Variants in BPTF observed in about 807,000 individuals in gnomAD.
BPTF encodes the protein bromodomain PHD finger transcription factor.
BPTF carries 18 observed loss-of-function variants against 292.5 expected under a neutral mutation model. That is an observed-to-expected ratio of 0.06 (90% CI 0.04 to 0.09). The LOEUF (loss-of-function observed/expected upper bound fraction) is 0.09, where lower values mean the gene tolerates loss of function less well. Among genes scored for constraint, BPTF ranks in the 10% least tolerant of loss-of-function variants. The probability of loss-of-function intolerance (pLI) is 1.00; values close to 1 mark genes in which losing one functional copy is unlikely to be tolerated. For missense variants in BPTF, 2,726 were observed against 3,498.7 expected, an observed-to-expected ratio of 0.78 and a Z score of 5.57; for synonymous variants, 1,225 against 1,251.9, an observed-to-expected ratio of 0.98 and a Z score of 0.45.
chr17:67,856,022 A>G lies in BPTF; in HGVS notation c.1436+1260A>G, dbSNP rs116435616. Among the ~76,000 whole-genome samples the G allele has an allele frequency of 3.2e-3, 487 of 152,264 alleles. 3 individuals carry two copies. The highest frequency in any genetic ancestry group is 0.01 in the African/African-American group (432 of 41,568). On this transcript the variant is annotated intron_variant, in intron 2 of 27. Coordinates refer to ENST00000306378, the MANE Select transcript of BPTF (RefSeq NM_182641.4). ...TTTGGTGGGCATTTTCAATCTGGCA[A>G]TTACGTTCTTTGATTCTGAGAACTT...
At chr17:67,830,440 G>A (rs953510489) in intron 1 of BPTF, among the ~76,000 whole-genome samples, 1 of 152,226 alleles carries the variant, frequency 6.6e-6, no homozygotes, top group African/African-American at 2.4e-5. Context: ...TTTGTCACTG[G>A]TTTGACAATA....
chr17:67,963,580 T>A, intron 24 of BPTF: 2 of 1,278,102 alleles, frequency 1.6e-6, no homozygotes, highest in Non-Finnish European at 2.0e-6. Context: ...TTATTTATTT[T>A]AAAATAAAAA....
chr17:67,961,772 G>A (rs527722181), intron 24 of BPTF, among the ~76,000 whole-genome samples: 81 of 152,160 alleles, frequency 5.3e-4, no homozygotes, highest in Middle Eastern at 3.4e-3. Flanking sequence ...TCAGGAGTTC[G>A]AGATCAGCCT....
In BPTF at chr17:67,909,583, C is replaced by T; in HGVS notation, c.2814C>T (p.Thr938=). Residue 938 remains threonine (T), a splice_region_variant and synonymous_variant, in exon 10 of 28, where the codon ACC becomes ACT. Coordinates refer to ENST00000306378, the MANE Select transcript of BPTF (RefSeq NM_182641.4). ...TTATCGTTACATGGTTCTTTTTAGCCAAAAATAATATGGATGAAAATATGG... is the reference window on the plus strand; with the variant it reads ...TTATCGTTACATGGTTCTTTTTAGCTAAAAATAATATGGATGAAAATATGG... ...NVNYRKSLEG[T]KNNMDENMDE... is the part of the protein sequence containing the mutation. 6.6e-7 allele frequency: 1 copy of T among 1,520,712 alleles called. No homozygotes were observed. Among genetic ancestry groups the T allele is most frequent in the Non-Finnish European group, 8.8e-7 (1 of 1,135,582 alleles). The allele number at this position is 1,520,712 out of a possible 1,614,324, so 94.2% of individuals were successfully genotyped here. A position where few individuals can be genotyped will look rare whatever the true frequency, so the allele number is the denominator to read the frequency against.
At chr17:67,923,017 G>A in intron 14 of BPTF, 27 bp downstream of exon 14, 6 of 1,582,934 alleles carry the variant, frequency 3.8e-6, no homozygotes, top group Non-Finnish European at 5.1e-6. Flanking sequence ...TACCTGGTCA[G>A]CTATTTGAAG....
intron 17 of BPTF, 30 bp downstream of exon 17, chr17:67,929,517 G>C (rs747712890): frequency 8.1e-6 from 13 of 1,608,288 alleles, no homozygotes; most frequent in Non-Finnish European, 1.0e-5. Context: ...TATTTGGTTT[G>C]ATGTGTTGAG....
Position 67,940,470 on chromosome 17 carries a change from C to G in BPTF, c.6291C>G (p.Ile2097Met), listed in dbSNP as rs782312892. The change falls in exon 19 of 28, where the codon ATC becomes ATG. Residue 2097 changes from isoleucine to methionine, a missense_variant. Coordinates refer to ENST00000306378, the MANE Select transcript of BPTF (RefSeq NM_182641.4). ...CTCAGCAAGTGATGACTCAAATCAT[C>G]AGGGGGCAGCCTGTCTCCACTGCAG... ...GAPQQVMTQI[I>M]RGQPVSTAVS... 2 of 1,613,990 alleles carry G rather than the reference C, an allele frequency of 1.2e-6. No homozygotes were observed. The highest frequency in any genetic ancestry group is 4.5e-5 in the East Asian group (2 of 44,902).
intron 25 of BPTF, chr17:67,965,025 A>AT (rs1429687032): frequency 3.9e-5 from 5 of 128,274 alleles, no homozygotes; most frequent in African/African-American, 1.4e-4. Context: ...AAAAAAGATT[A>AT]TAGTTATTCT....
At chr17:67,979,048 C>T (rs2069950015) in intron 27 of BPTF, among the ~76,000 whole-genome samples, 1 of 150,998 alleles carries the variant, frequency 6.6e-6, no homozygotes, top group African/African-American at 2.4e-5. Flanking sequence ...GTGATGTACA[C>T]CTGTGGTCCC....
intron 1 of BPTF, among the ~76,000 whole-genome samples, chr17:67,843,878 G>T (rs1352546565): frequency 4.1e-5 from 6 of 144,828 alleles, no homozygotes; most frequent in Admixed American, 2.9e-4. Context: ...TGATTCTCCT[G>T]CCTCAGCCTC....
intron 2 of BPTF, among the ~76,000 whole-genome samples, chr17:67,859,759 T>C (rs986118427): frequency 9.9e-5 from 15 of 152,214 alleles, no homozygotes; most frequent in South Asian, 2.1e-4. Context: ...CTTTAAAGAT[T>C]TGAAATAAAG....
At chr17:67,948,053 A>G (rs782800741) in intron 22 of BPTF, 28 bp from the exon 23 acceptor site, 103 of 1,588,670 alleles carry the variant, frequency 6.5e-5, no homozygotes, top group Non-Finnish European at 8.6e-5. Context: ...AACGCCCAGC[A>G]TTACATAGGT....
Position 67,847,370 on chromosome 17 carries a change from C to T in BPTF, c.614-6570C>T, listed in dbSNP as rs771815998. On this transcript the variant is annotated intron_variant, in intron 1 of 27. Transcript: ENST00000306378. ...TCTCTACTAAAAATAATAAATTAGC[C>T]GGGCGTGGTGGCACATGCCTGTAAT... is the stretch of plus-strand genomic sequence containing the variant. 5.9e-5 allele frequency among the ~76,000 whole-genome samples: 9 copies of T among 152,082 alleles called. No homozygotes were observed. In the East Asian group the frequency reaches 7.8e-4, roughly 13 times the overall value.
chr17:67,916,869 C>A (rs2063039243), intron 11 of BPTF, among the ~76,000 whole-genome samples: 1 of 151,656 alleles, frequency 6.6e-6, no homozygotes, highest in South Asian at 2.1e-4. Flanking sequence ...TATTTTATAG[C>A]CTTTGTCTAC....
At chr17:67,863,846 T>TA (rs1488883580) in intron 2 of BPTF, among the ~76,000 whole-genome samples, 1 of 152,256 alleles carries the variant, frequency 6.6e-6, no homozygotes, top group Non-Finnish European at 1.5e-5. Context: ...AGTTGAAACT[T>TA]ACTGTGAGTC....
Position 67,910,807 on chromosome 17 carries a change from A to AT in BPTF, c.2993-70_2993-69insT, listed in dbSNP as rs1397837737. The AT allele has an allele frequency of 1.1e-3, 1,263 of 1,148,874 alleles. 14 individuals carry two copies. In the African/African-American group the frequency reaches 0.02, roughly 18 times the overall value. 71.2% of individuals were successfully genotyped at this position (1,148,874 alleles called of 1,614,324 possible). A position where few individuals can be genotyped will look rare whatever the true frequency, so the allele number is the denominator to read the frequency against. ...AGAGTGAGACTCCATCTCAAAAAAA[A>AT]AAATATATATATATAAATTCCTCCT... is the stretch of plus-strand genomic sequence containing the variant. On this transcript the variant is annotated intron_variant, in intron 10 of 27. Coordinates refer to ENST00000306378, the MANE Select transcript of BPTF (RefSeq NM_182641.4).
intron 1 of BPTF, among the ~76,000 whole-genome samples, chr17:67,829,245 G>A (rs2056420103): frequency 6.6e-6 from 1 of 151,134 alleles, no homozygotes; most frequent in East Asian, 1.9e-4. Flanking sequence ...TTGCTTGCCA[G>A]GCATTTTCCT....
chr17:67,959,498 A>G lies in BPTF; in HGVS notation c.7927-43A>G, dbSNP rs148566338. On this transcript the variant is annotated intron_variant, in intron 23 of 27. Transcript: ENST00000306378. ...TCTTCTGGCCAGATCACACATTTAC[A>G]TGACTCTAATGATAGTCTTGTATTG... 6,274 of 1,441,870 alleles carry G rather than the reference A, an allele frequency of 4.4e-3. 24 individuals carry two copies. Among genetic ancestry groups the G allele is most frequent in the Non-Finnish European group, 5.4e-3 (5,811 of 1,083,638 alleles). 89.3% of individuals were successfully genotyped at this position (1,441,870 alleles called of 1,614,324 possible).
intron 26 of BPTF, among the ~76,000 whole-genome samples, chr17:67,973,369 C>A (rs1043253669): frequency 2.0e-5 from 3 of 149,976 alleles, no homozygotes; most frequent in African/African-American, 7.3e-5. Flanking sequence ...GCGAGACTGT[C>A]TCAAGAAAAA....
Sources: allele counts gnomAD v4.1 joint callset (sites outside exome capture counted in the v4.1 genomes callset), GRCh38; gene constraint gnomAD v4.1.1; transcripts MANE v1.5; gene names NCBI Gene and HGNC (gene_info 2026-07-23, HGNC 2026-07-21).